The following ADAM19 variants were observed in gnomAD, a reference collection of about 807,000 sequenced individuals.
ADAM19 encodes the protein ADAM metallopeptidase domain 19, also known as disintegrin and metalloproteinase domain-containing protein 19.
ADAM19 carries 65 observed loss-of-function variants against 114.7 expected under a neutral mutation model. The observed-to-expected ratio is 0.57, with a 90% confidence interval of 0.46 to 0.70. The LOEUF (loss-of-function observed/expected upper bound fraction) is 0.70. Among genes scored for constraint, ADAM19 ranks in the 30% least tolerant of loss-of-function variants. ADAM19 has a pLI of 0.00. For synonymous variants in ADAM19, 466 were observed against 460.5 expected (o/e 1.01, Z -0.15); for missense variants, 1,063 against 1,204.7 (o/e 0.88, Z 1.74).
intron 7 of ADAM19, among the ~76,000 whole-genome samples, chr5:157,513,944 C>T (rs747529070): frequency 5.9e-5 from 9 of 152,210 alleles, no homozygotes; most frequent in Non-Finnish European, 1.2e-4. Flanking sequence ...CAACAATCAT[C>T]GAATTGCTGC....
intron 3 of ADAM19, among the ~76,000 whole-genome samples, chr5:157,561,861 T>C (rs761558587): frequency 5.9e-5 from 9 of 152,076 alleles, no homozygotes; most frequent in Non-Finnish European, 1.2e-4. Flanking sequence ...GGCTGTACTG[T>C]TTTATTCACA....
At chr5:157,505,899 G>A (rs1755727890) in intron 10 of ADAM19, 91 bp from the exon 11 acceptor site, 1 of 1,430,726 alleles carries the variant, frequency 7.0e-7, no homozygotes, top group African/African-American at 1.4e-5. Context: ...AGTCTTGCAG[G>A]TCTCCACCAA....
chr5:157,485,101 C>T (rs749575292), intron 21 of ADAM19, among the ~76,000 whole-genome samples: 6 of 152,228 alleles, frequency 3.9e-5, no homozygotes, highest in Non-Finnish European at 7.3e-5. Context: ...TGACACGGGG[C>T]GTCATCCCCT....
chr5:157,499,434 T>C (rs13361953), intron 13 of ADAM19, 139 bp downstream of exon 13: 277,889 of 745,428 alleles, frequency 0.37, 55,949 homozygotes, highest in African/African-American at 0.61. Context: ...AGGCACCTTT[T>C]CCGCTCTGTG....
rs1276654295 is a variant in ADAM19 at position 157,479,689 on chromosome 5, T to C, written c.*1260A>G. The C allele has an allele frequency of 1.0e-6, 1 of 985,998 alleles. No individual in the cohort carries two copies. Among genetic ancestry groups the C allele is most frequent in the South Asian group, 4.7e-5 (1 of 21,278 alleles). 61.1% of individuals were successfully genotyped at this position (985,998 alleles called of 1,614,324 possible). A position where few individuals can be genotyped will look rare whatever the true frequency, so the allele number is the denominator to read the frequency against. On this transcript the variant is annotated 3_prime_UTR_variant, in exon 23 of 23. Transcript: ENST00000257527. ...AGGAAGTGAATGACAAAAAGCTGGG[T>C]TGAGGAAGAGGCTCCCTGCTCTGAC...
Position 157,537,204 on chromosome 5 carries a change from C to T in ADAM19, c.330+709G>A, listed in dbSNP as rs139209036. On this transcript the variant is annotated intron_variant, in intron 4 of 22. Transcript: ENST00000257527. The stretch of plus-strand genomic sequence containing the variant: ...ATTGGTTCTCCTGGTTGAGAATCAA[C>T]GTTCTGAGCCTACAAATTCCAATAG... 1.4e-3 allele frequency among the ~76,000 whole-genome samples: 220 copies of T among 152,290 alleles called. 2 individuals carry two copies. The highest frequency in any genetic ancestry group is 4.9e-3 in the African/African-American group (202 of 41,570).
Position 157,496,933 on chromosome 5 carries a change from G to A in ADAM19, c.1555C>T (p.Leu519Phe), listed in dbSNP as rs1408437146. Residue 519 changes from leucine (L) to phenylalanine (F), a missense_variant, in exon 14 of 23, where the codon CTC (leucine) becomes TTC (phenylalanine). Coordinates refer to ENST00000257527, the MANE Select transcript of ADAM19 (RefSeq NM_033274.5). ...TGCTGGCACTGCTCCTGGTAGGTGA[G>A]GCACATGCCGTTGTAGCAGTAGGCC... Reference protein sequence around the residue: ...GQAYCYNGMCLTYQEQCQQLW... With the variant: ...GQAYCYNGMCFTYQEQCQQLW... 2 of 1,596,392 alleles carry A rather than the reference G, an allele frequency of 1.3e-6. No individual in the cohort carries two copies. Among genetic ancestry groups the A allele is most frequent in the South Asian group, 1.1e-5 (1 of 87,940 alleles).
chr5:157,509,306 T>A lies in ADAM19; in HGVS notation c.900A>T (p.Leu300Phe). The change falls in exon 9 of 23, where the codon TTA (leucine) becomes TTT (phenylalanine). Residue 300 changes from leucine to phenylalanine, a missense_variant. Leu to Phe is a conservative substitution (Grantham distance 22). This residue lies in a region of ADAM19 where 615 missense variants were observed against 706.3 expected (regional missense o/e 0.87). Transcript: ENST00000257527. ...LAQKYHDNAQLITGMSFHGTT... is the reference protein window; with the variant it reads ...LAQKYHDNAQFITGMSFHGTT... ...TATGGAAAAAGGCTATTTACGTGAT[T>A]AATTGGGCGTTGTCATGGTACTTCT... 1 of 1,606,696 alleles carries A rather than the reference T, an allele frequency of 6.2e-7. No individual in the cohort carries two copies. The highest frequency in any genetic ancestry group is 8.5e-7 in the Non-Finnish European group (1 of 1,175,494).
intron 2 of ADAM19, chr5:157,566,871 C>T (rs1581360698): frequency 1.3e-5 from 2 of 152,208 alleles, no homozygotes; most frequent in Middle Eastern, 6.8e-3. Flanking sequence ...GGGGTATTAC[C>T]ATGTTTCCAA....
chr5:157,557,180 T>C (rs1480682025), intron 3 of ADAM19, among the ~76,000 whole-genome samples: 3 of 152,184 alleles, frequency 2.0e-5, no homozygotes, highest in Non-Finnish European at 4.4e-5. Flanking sequence ...AGTGCTAGGA[T>C]TACAGGCATG....
At chr5:157,542,514 C>A (rs546338862) in intron 3 of ADAM19, among the ~76,000 whole-genome samples, 32 of 152,312 alleles carry the variant, frequency 2.1e-4, no homozygotes, top group Admixed American at 1.6e-3. Context: ...CAATGTCACA[C>A]AAGCGTACAG....
intron 13 of ADAM19, among the ~76,000 whole-genome samples, chr5:157,497,570 T>TAC (rs5872512): frequency 0.41 from 48,092 of 116,600 alleles, 8,344 homozygotes; most frequent in East Asian, 0.79. Flanking sequence ...GGCCCACTAA[T>TAC]ACACACACAC....
chr5:157,507,181 A>T, intron 9 of ADAM19, 41 bp from the exon 10 acceptor site: 4 of 1,591,680 alleles, frequency 2.5e-6, no homozygotes, highest in Non-Finnish European at 3.4e-6. Flanking sequence ...GGACGAGACT[A>T]AGAGGGCTGT....
At position 157,478,635 on chromosome 5, in the gene ADAM19, TC is replaced by T; in HGVS notation, c.*2313del. On this transcript the variant is annotated 3_prime_UTR_variant, in exon 23 of 23. Coordinates refer to ENST00000257527, the MANE Select transcript of ADAM19 (RefSeq NM_033274.5). ...TGGCCAGTCTTCCTCCTGGGCAGCC[TC>T]CCTGAACAGAGCCAGGAGTGAAGCA... is the stretch of plus-strand genomic sequence containing the variant. The T allele has an allele frequency of 1.0e-6, 1 of 985,820 alleles. No individual in the cohort carries two copies. The highest frequency in any genetic ancestry group is 1.2e-6 in the Non-Finnish European group (1 of 829,942). The allele number at this position is 985,820 out of a possible 1,614,324, so 61.1% of individuals were successfully genotyped here.
intron 3 of ADAM19, among the ~76,000 whole-genome samples, chr5:157,561,323 T>G (rs895015578): frequency 1.3e-5 from 2 of 152,242 alleles, no homozygotes; most frequent in Non-Finnish European, 2.9e-5. Context: ...CTCACCATTC[T>G]TGGCGATCTC....
chr5:157,551,632 A>C (rs1182193406), intron 3 of ADAM19, among the ~76,000 whole-genome samples: 1 of 152,118 alleles, frequency 6.6e-6, no homozygotes, highest in East Asian at 1.9e-4. Context: ...GTGAAGAGAC[A>C]ACCCAAACAA....
intron 3 of ADAM19, among the ~76,000 whole-genome samples, chr5:157,557,296 CTG>C (rs1411405709): frequency 1.3e-5 from 2 of 152,210 alleles, no homozygotes; most frequent in East Asian, 3.8e-4. Flanking sequence ...GTGTCAGTAT[CTG>C]GAATTGAATC....
intron 11 of ADAM19, among the ~76,000 whole-genome samples, chr5:157,505,450 T>C (rs766115803): frequency 1.3e-5 from 2 of 152,200 alleles, no homozygotes; most frequent in Non-Finnish European, 2.9e-5. Flanking sequence ...TAAATAAATC[T>C]AGGGTTACAC....
chr5:157,513,244 A>G (rs557352773), intron 8 of ADAM19, among the ~76,000 whole-genome samples, 190 bp downstream of exon 8: 8 of 152,338 alleles, frequency 5.3e-5, no homozygotes, highest in African/African-American at 1.9e-4. Flanking sequence ...AATGCAACAC[A>G]AAGAAAATGA....
Sources: allele counts gnomAD v4.1 joint callset (sites outside exome capture counted in the v4.1 genomes callset), GRCh38; gene constraint gnomAD v4.1.1; regional missense constraint gnomAD v4.1.1; transcripts MANE v1.5; gene names NCBI Gene and HGNC (gene_info 2026-07-23, HGNC 2026-07-21).